MARK3: variants seen among roughly 807,000 people sequenced by gnomAD.
MARK3 encodes the protein MAP/microtubule affinity-regulating kinase 3.
Under a neutral mutation model 90.1 loss-of-function variants are expected in MARK3, and 46 were observed. The observed-to-expected ratio is 0.51, with a 90% CI of 0.40 to 0.65. MARK3 has a LOEUF of 0.65. MARK3 is among the 30% of genes least tolerant of loss of function. The pLI is 0.00. For missense variants in MARK3, 818 were observed against 947.2 expected, an observed-to-expected ratio of 0.86 and a Z score of 1.79; for synonymous variants, 321 against 332.6, an observed-to-expected ratio of 0.97 and a Z score of 0.38.
intron 12 of MARK3, among the ~76,000 whole-genome samples, chr14:103,474,200 G>A (rs2093678032): frequency 2.6e-5 from 4 of 152,138 alleles, no homozygotes; most frequent in Non-Finnish European, 4.4e-5. Flanking sequence ...GCTAGACTCC[G>A]TCTCGAAAAA....
intron 13 of MARK3, among the ~76,000 whole-genome samples, chr14:103,476,822 G>T (rs2093723110): frequency 6.6e-6 from 1 of 152,158 alleles, no homozygotes; most frequent in South Asian, 2.1e-4. Context: ...CTGACCTTAT[G>T]CTTAGTCGAA....
intron 5 of MARK3, among the ~76,000 whole-genome samples, chr14:103,453,495 T>A (rs1194159430): frequency 6.6e-6 from 1 of 152,212 alleles, no homozygotes; most frequent in African/African-American, 2.4e-5. Context: ...ATAAAAAGAT[T>A]GTAAACCTGT....
chr14:103,456,215 A>G (rs1046762199), intron 5 of MARK3, among the ~76,000 whole-genome samples: 2 of 152,014 alleles, frequency 1.3e-5, no homozygotes, highest in African/African-American at 2.4e-5. Context: ...CGTCACTTTC[A>G]TGATTGGTTT....
chr14:103,400,469 T>C (rs900241800), intron 1 of MARK3, among the ~76,000 whole-genome samples: 1 of 152,198 alleles, frequency 6.6e-6, no homozygotes, highest in African/African-American at 2.4e-5. Flanking sequence ...CAGTTACATA[T>C]TCTAGTTTTC....
At chr14:103,394,320 T>C (rs967475912) in intron 1 of MARK3, among the ~76,000 whole-genome samples, 1 of 152,186 alleles carries the variant, frequency 6.6e-6, no homozygotes, top group South Asian at 2.1e-4. Flanking sequence ...AAGTTAAAGG[T>C]TGTGCTTGGA....
At chr14:103,494,712 T>C (rs2765053) in intron 15 of MARK3, among the ~76,000 whole-genome samples, 147,775 of 152,158 alleles carry the variant, frequency 0.97, 71,913 homozygotes, top group East Asian at 1. Context: ...TCTCAGCCCA[T>C]GGCAATCTTC....
chr14:103,410,259 G>A (rs964039874), intron 2 of MARK3, among the ~76,000 whole-genome samples: 8 of 152,168 alleles, frequency 5.3e-5, no homozygotes, highest in African/African-American at 9.7e-5. Context: ...CATGAAGGGC[G>A]TGATGGAAGG....
rs150463204 is a variant in MARK3 at position 103,392,710 on chromosome 14, A to G, written c.51+6630A>G. Among the ~76,000 whole-genome samples, 8 of 152,326 alleles carry G rather than the reference A, an allele frequency of 5.3e-5. No individual in the cohort carries two copies. In the East Asian group the frequency reaches 5.8e-4, roughly 11 times the overall value. ...AAAATTGTGGTTCTGGAAAATAACA[A>G]TAGTTGCCATTTGGTGATCACTTAA... On this transcript the variant is annotated intron_variant, in intron 1 of 17. Coordinates refer to ENST00000429436, the MANE Select transcript of MARK3 (RefSeq NM_001128918.3).
At chr14:103,499,858 G>C in intron 16 of MARK3, 4 of 354,980 alleles carry the variant, frequency 1.1e-5, no homozygotes, top group Non-Finnish European at 2.0e-5. Flanking sequence ...CTGTGCGTGC[G>C]TGGTGTGCGG....
At position 103,452,471 on chromosome 14, in the gene MARK3, C is replaced by CTTTTTTTTTTTTTTTTTTTTTTT. The variant is rs71126026; in HGVS notation, c.412+506_412+507insTTTTTTTTTTTTTTTTTTTTTTT. Among the ~76,000 whole-genome samples the CTTTTTTTTTTTTTTTTTTTTTTT allele has an allele frequency of 6.8e-4, 66 of 97,456 alleles. 10 individuals carry two copies. The highest frequency in any genetic ancestry group is 1.1e-3 in the Non-Finnish European group (49 of 44,454). The allele number at this position is 97,456 out of a possible 152,430, so 63.9% of individuals were successfully genotyped here. ...ACAAGTGGAATTTTACAGGATTTGT[C>CTTTTTTTTTTTTTTTTTTTTTTT]TTTTTTTTTTTTTTTTTTGAGACGG... is the stretch of plus-strand genomic sequence containing the variant. On this transcript the variant is annotated intron_variant, in intron 5 of 17. Transcript: ENST00000429436.
intron 3 of MARK3, among the ~76,000 whole-genome samples, chr14:103,430,372 C>A (rs1222364673): frequency 6.6e-6 from 1 of 150,398 alleles, no homozygotes; most frequent in African/African-American, 2.5e-5. Flanking sequence ...CCAGCCCCCC[C>A]ATCTTCCCCC....
chr14:103,466,468 A>G, intron 10 of MARK3, 26 bp downstream of exon 10: 1 of 1,460,438 alleles, frequency 6.8e-7, no homozygotes, highest in East Asian at 2.3e-5. Flanking sequence ...CTGCATGTTC[A>G]TGTGTTTTTG....
intron 14 of MARK3, among the ~76,000 whole-genome samples, chr14:103,482,297 G>A (rs1267482120): frequency 2.0e-5 from 3 of 151,696 alleles, no homozygotes; most frequent in Admixed American, 6.6e-5. Context: ...AAGGCAGGTG[G>A]ATCACTTGAG....
chr14:103,484,166 T>TC (rs2093878529), intron 14 of MARK3, among the ~76,000 whole-genome samples: 1 of 151,236 alleles, frequency 6.6e-6, no homozygotes, highest in African/African-American at 2.4e-5. Flanking sequence ...ATCTTTTCTT[T>TC]TTTTTTTTTC....
intron 3 of MARK3, among the ~76,000 whole-genome samples, 184 bp downstream of exon 3, chr14:103,428,624 T>C (rs934417415): frequency 1.3e-5 from 2 of 152,230 alleles, no homozygotes; most frequent in African/African-American, 2.4e-5. Context: ...TGGTCGGAGA[T>C]TATTTTTAAA....
chr14:103,482,273 C>G (rs931299240), intron 14 of MARK3, among the ~76,000 whole-genome samples: 3 of 151,850 alleles, frequency 2.0e-5, no homozygotes, highest in African/African-American at 7.3e-5. Context: ...GTAATCCCAG[C>G]ACTCTGGGAG....
chr14:103,432,926 G>C (rs2092622871), intron 3 of MARK3, among the ~76,000 whole-genome samples: 1 of 152,086 alleles, frequency 6.6e-6, no homozygotes, highest in Non-Finnish European at 1.5e-5. Context: ...GTAAGGCAGG[G>C]ACAGGGAAAC....
chr14:103,478,804 G>A (rs773038835), intron 13 of MARK3, among the ~76,000 whole-genome samples: 14 of 152,184 alleles, frequency 9.2e-5, no homozygotes, highest in South Asian at 2.1e-4. Context: ...CTCCCAAAGC[G>A]CTGGGATTAC....
At chr14:103,486,944 GTC>G (rs888490339) in intron 14 of MARK3, among the ~76,000 whole-genome samples, 1 of 151,504 alleles carries the variant, frequency 6.6e-6, no homozygotes. Context: ...ATTTGAAACA[GTC>G]TCTCTCTGTC....
Sources: gnomAD v4.1 joint callset for allele counts (sites outside exome capture counted in the v4.1 genomes callset) on GRCh38, gnomAD v4.1.1 for gene constraint, MANE v1.5 for transcripts, NCBI Gene and HGNC (gene_info 2026-07-23, HGNC 2026-07-21) for gene names.